MAP4K3: variants seen among roughly 807,000 people sequenced by gnomAD.
MAP4K3 encodes mitogen-activated protein kinase kinase kinase kinase 3.
A neutral mutation model predicts 143.5 loss-of-function variants in MAP4K3; 94 were observed. That is an observed-to-expected ratio of 0.65 (90% CI 0.55 to 0.78). The LOEUF is 0.78. MAP4K3 is among the 30% of genes least tolerant of loss of function. The pLI, the probability that MAP4K3 is intolerant of heterozygous loss-of-function variation, is 0.00. For missense variants in MAP4K3, 1,077 were observed against 1,068.1 expected (o/e 1.01, Z -0.12); for synonymous variants, 416 against 347.2 (o/e 1.20, Z -2.20).
chr2:39,275,651 T>C (rs571934784), intron 24 of MAP4K3, among the ~76,000 whole-genome samples: 1 of 152,318 alleles, frequency 6.6e-6, no homozygotes, highest in African/African-American at 2.4e-5. Context: ...TATTTACTAA[T>C]TATTATAATT....
At chr2:39,347,747 T>C (rs1371009359) in intron 3 of MAP4K3, among the ~76,000 whole-genome samples, 2 of 152,100 alleles carry the variant, frequency 1.3e-5, no homozygotes, top group Admixed American at 1.3e-4. Context: ...AATTTTTTTC[T>C]TTTTTAAGGA....
At chr2:39,406,728 G>A (rs977118913) in intron 1 of MAP4K3, among the ~76,000 whole-genome samples, 1 of 152,024 alleles carries the variant, frequency 6.6e-6, no homozygotes, top group African/African-American at 2.4e-5. Context: ...AAATGCTAAA[G>A]GGAGTACTTC....
intron 28 of MAP4K3, among the ~76,000 whole-genome samples, chr2:39,263,424 C>G (rs1034888908): frequency 6.9e-6 from 1 of 144,456 alleles, no homozygotes; most frequent in Non-Finnish European, 1.5e-5. Flanking sequence ...AGGCGCCCAC[C>G]ATCACGCCCG....
At chr2:39,336,810 T>C (rs1573168304) in intron 6 of MAP4K3, 110 bp downstream of exon 6, 2 of 454,118 alleles carry the variant, frequency 4.4e-6, no homozygotes. Context: ...ATTTTTATTA[T>C]GGTAACATTT....
At chr2:39,339,052 G>T (rs778040761) in intron 4 of MAP4K3, among the ~76,000 whole-genome samples, 1 of 152,216 alleles carries the variant, frequency 6.6e-6, no homozygotes, top group Admixed American at 6.5e-5. Context: ...AAAAGTGGGA[G>T]AGACTATTCT....
chr2:39,312,059 T>A (rs1260676311), intron 13 of MAP4K3, among the ~76,000 whole-genome samples: 1 of 152,150 alleles, frequency 6.6e-6, no homozygotes, highest in Non-Finnish European at 1.5e-5. Flanking sequence ...CTTATAAGAT[T>A]TAAAATAAAA....
intron 1 of MAP4K3, among the ~76,000 whole-genome samples, chr2:39,402,223 A>T (rs779698426): frequency 6.6e-6 from 1 of 152,226 alleles, no homozygotes; most frequent in Non-Finnish European, 1.5e-5. Context: ...CTTGAAGAAA[A>T]CGGTAATAGA....
At chr2:39,290,574 A>G (rs1682000543) in intron 18 of MAP4K3, among the ~76,000 whole-genome samples, 1 of 152,130 alleles carries the variant, frequency 6.6e-6, no homozygotes, top group Admixed American at 6.5e-5. Context: ...TAAACACCGC[A>G]TGATCTTACT....
At chr2:39,294,406 A>C (rs994342547) in intron 16 of MAP4K3, 9 of 152,220 alleles carry the variant, frequency 5.9e-5, no homozygotes, top group African/African-American at 2.2e-4. Flanking sequence ...ACCACAAACT[A>C]ATTGCAAGTC....
intron 2 of MAP4K3, among the ~76,000 whole-genome samples, chr2:39,371,978 T>C (rs1329950357): frequency 3.3e-5 from 5 of 150,840 alleles, no homozygotes; most frequent in South Asian, 2.1e-4. Flanking sequence ...AGCATCCAAA[T>C]TGCAAAGGAA....
At chr2:39,399,252 G>A (rs1378954109) in intron 1 of MAP4K3, among the ~76,000 whole-genome samples, 1 of 152,144 alleles carries the variant, frequency 6.6e-6, no homozygotes, top group Non-Finnish European at 1.5e-5. Context: ...TCACTAAGAA[G>A]CCTGCAAGAA....
Position 39,328,012 on chromosome 2 carries a change from CAT to C in MAP4K3, c.531-1737_531-1736del, listed in dbSNP as rs1255148479. Among the ~76,000 whole-genome samples, 5 of 152,174 alleles carry C rather than the reference CAT, an allele frequency of 3.3e-5. No homozygotes were observed. The East Asian group carries it at 9.6e-4, about 29-fold the overall frequency. On this transcript the variant is annotated intron_variant, in intron 8 of 33. Transcript: ENST00000263881. ...CCAGTTACATTTGCTATTGTAAACACATAGTTATAATGAAGGTTTAAAAGTTA... is the reference window on the plus strand; with the variant it reads ...CCAGTTACATTTGCTATTGTAAACACAGTTATAATGAAGGTTTAAAAGTTA...
intron 32 of MAP4K3, 35 bp from the exon 33 acceptor site, chr2:39,251,920 TTAAAGACACAAA>T (rs1411991208): frequency 6.6e-7 from 1 of 1,520,078 alleles, no homozygotes; most frequent in South Asian, 1.1e-5. Context: ...ATTTCTGAAA[TTAAAGACACAAA>T]ATTTTTAATG....
At chr2:39,367,531 CTCTA>C (rs1665958382) in intron 2 of MAP4K3, among the ~76,000 whole-genome samples, 1 of 151,406 alleles carries the variant, frequency 6.6e-6, no homozygotes, top group African/African-American at 2.4e-5. Flanking sequence ...CAGTATGAGA[CTCTA>C]TCTAAAAAAA....
intron 29 of MAP4K3, among the ~76,000 whole-genome samples, chr2:39,258,878 T>C (rs1218933839): frequency 6.6e-6 from 1 of 152,218 alleles, no homozygotes; most frequent in Non-Finnish European, 1.5e-5. Flanking sequence ...AAATATCCTA[T>C]AATGCAACTT....
At chr2:39,378,971 T>A (rs962723078) in intron 1 of MAP4K3, among the ~76,000 whole-genome samples, 3 of 151,994 alleles carry the variant, frequency 2.0e-5, no homozygotes, top group African/African-American at 7.2e-5. Flanking sequence ...AGATATTTTA[T>A]AATTGGATCA....
intron 2 of MAP4K3, 96 bp downstream of exon 2, chr2:39,377,969 GA>G: frequency 3.9e-6 from 3 of 770,046 alleles, no homozygotes; most frequent in Non-Finnish European, 6.6e-6. Flanking sequence ...AGATGTTGGG[GA>G]AAACAAGAGA....
chr2:39,353,733 TAGTAGCAGCAGCAGC>T (rs993222678), intron 3 of MAP4K3, among the ~76,000 whole-genome samples: 8 of 151,626 alleles, frequency 5.3e-5, no homozygotes, highest in African/African-American at 1.9e-4. Context: ...GAAGTAGTAG[TAGTAGCAGCAGCAGC>T]AGCAGCAGCA....
At chr2:39,318,744 T>A (rs1267737268) in intron 12 of MAP4K3, among the ~76,000 whole-genome samples, 1 of 152,198 alleles carries the variant, frequency 6.6e-6, no homozygotes, top group Non-Finnish European at 1.5e-5. Flanking sequence ...ACCCTGCCCT[T>A]ACAAACCATT....
Sources: allele counts gnomAD v4.1 joint callset (sites outside exome capture counted in the v4.1 genomes callset), GRCh38; gene constraint gnomAD v4.1.1; transcripts MANE v1.5; gene names NCBI Gene and HGNC (gene_info 2026-07-23, HGNC 2026-07-21).